Variants in ZNF470 observed in about 807,000 individuals in gnomAD.
ZNF470 encodes chondrogenesis zinc finger protein 1.
A neutral mutation model predicts 13.9 loss-of-function variants in ZNF470; 13 were observed. The ratio of observed to expected loss-of-function variants is 0.94; its 90% confidence interval spans 0.61 to 1.49. The LOEUF is 1.49. ZNF470 is among the 40% of genes most tolerant of loss of function. The pLI, the probability that ZNF470 is intolerant of heterozygous loss-of-function variation, is 0.00. For missense variants in ZNF470, 929 were observed against 857.3 expected, an observed-to-expected ratio of 1.08 and a Z score of -1.04; for synonymous variants, 293 against 282.9, an observed-to-expected ratio of 1.04 and a Z score of -0.36.
intron 3 of ZNF470, among the ~76,000 whole-genome samples, chr19:56,570,625 T>G (rs759016068): frequency 3.3e-5 from 5 of 152,198 alleles, no homozygotes; most frequent in Non-Finnish European, 7.3e-5. Context: ...GTCTGAGCCC[T>G]TCCCTTGTGC....
At chr19:56,569,836 A>G (rs1409587122) in intron 2 of ZNF470, among the ~76,000 whole-genome samples, 4 of 152,054 alleles carry the variant, frequency 2.6e-5, no homozygotes, top group Admixed American at 2.0e-4. Flanking sequence ...TCAAAAGTAA[A>G]AAAACTAGCT....
Position 56,582,138 on chromosome 19 carries a change from G to A in ZNF470, c.*3555G>A, listed in dbSNP as rs1600572890. Reference sequence around the variant, plus strand: ...TGGGGCGAATAAGACTTATATTCTAGACTGGAAAGCATCTCATGGTGTGCG... The same window carrying A: ...TGGGGCGAATAAGACTTATATTCTAAACTGGAAAGCATCTCATGGTGTGCG... On this transcript the variant is annotated 3_prime_UTR_variant, in exon 6 of 6. Coordinates refer to ENST00000330619, the MANE Select transcript of ZNF470 (RefSeq NM_001001668.4). 1 of 985,248 alleles carries A rather than the reference G, an allele frequency of 1.0e-6. No homozygotes were observed. 61.0% of individuals were successfully genotyped at this position (985,248 alleles called of 1,614,324 possible). A position where few individuals can be genotyped will look rare whatever the true frequency, so the allele number is the denominator to read the frequency against.
Position 56,580,812 on chromosome 19 carries a change from C to G in ZNF470, c.*2229C>G. On this transcript the variant is annotated 3_prime_UTR_variant, in exon 6 of 6. Coordinates refer to ENST00000330619, the MANE Select transcript of ZNF470 (RefSeq NM_001001668.4). ...CCAGAGAATGTGGAGCTTTCAGACT[C>G]TCCTTATATATGATAAAAAGGATTT... The G allele has an allele frequency of 1.0e-6, 1 of 982,690 alleles. No individual in the cohort carries two copies. Among genetic ancestry groups the G allele is most frequent in the Non-Finnish European group, 1.2e-6 (1 of 827,568 alleles). 60.9% of individuals were successfully genotyped at this position (982,690 alleles called of 1,614,324 possible).
At position 56,576,857 on chromosome 19, in the gene ZNF470, A is replaced by G. The variant is rs144650274; in HGVS notation, c.428A>G (p.Asp143Gly). ...STLGKNWKCE[D>G]LFERELVNQK... ...TTAGGGAAAAACTGGAAATGTGAAG[A>G]CTTGTTTGAGAGGGAGCTTGTAAAC... The change falls in exon 6 of 6, where the codon GAC becomes GGC. Residue 143 changes from aspartate to glycine, a missense_variant. Transcript: ENST00000330619. 1.7e-5 allele frequency: 27 copies of G among 1,595,858 alleles called. No individual in the cohort carries two copies. Among genetic ancestry groups the G allele is most frequent in the Non-Finnish European group, 2.3e-5 (27 of 1,174,468 alleles).
rs2044505882 is a variant in ZNF470 at position 56,578,068 on chromosome 19, A to G, written c.1639A>G (p.Ser547Gly). The G allele has an allele frequency of 1.2e-6, 2 of 1,614,080 alleles. No homozygotes were observed. The highest frequency in any genetic ancestry group is 2.2e-5 in the East Asian group (1 of 44,866). The change falls in exon 6 of 6, where the codon AGT (serine) becomes GGT (glycine). Residue 547 changes from serine (S) to glycine (G), a missense_variant. By Grantham distance (56) the Ser-to-Gly change is moderately conservative (BLOSUM62 0). Coordinates refer to ENST00000330619, the MANE Select transcript of ZNF470 (RefSeq NM_001001668.4). Reference sequence around the variant, plus strand: ...ATGTAAGGAATGTGGTAAGGCCTTCAGTCAGATTGCACACCTTGTTCAGCA... The same window carrying G: ...ATGTAAGGAATGTGGTAAGGCCTTCGGTCAGATTGCACACCTTGTTCAGCA... ...YECKECGKAF[S>G]QIAHLVQHQR... is the part of the protein sequence containing the mutation.
chr19:56,570,215 G>A, intron 2 of ZNF470, 65 bp from the exon 3 acceptor site: 2 of 1,204,826 alleles, frequency 1.7e-6, no homozygotes, highest in Non-Finnish European at 2.5e-6. Flanking sequence ...CTGAAGGGAA[G>A]AAAGCATTTT....
Position 56,574,538 on chromosome 19 carries a change from C to T in ZNF470, c.187+18C>T. On this transcript the variant is annotated intron_variant, in intron 4 of 5. Coordinates refer to ENST00000330619, the MANE Select transcript of ZNF470 (RefSeq NM_001001668.4). ...TTCAGTGGGTAAGAGTATCTTCCTC[C>T]TGTTGCCTCCCCATGACTCAGTAGT... The T allele has an allele frequency of 6.2e-7, 1 of 1,613,254 alleles. No homozygotes were observed. Among genetic ancestry groups the T allele is most frequent in the South Asian group, 1.1e-5 (1 of 91,010 alleles).
chr19:56,569,212 C>G (rs1245429069), intron 2 of ZNF470, among the ~76,000 whole-genome samples: 1 of 152,262 alleles, frequency 6.6e-6, no homozygotes, highest in East Asian at 1.9e-4. Context: ...ATACTTTATC[C>G]TCTTCCTTCC....
chr19:56,581,914 AACC>A lies in ZNF470; in HGVS notation c.*3335_*3337del. On this transcript the variant is annotated 3_prime_UTR_variant, in exon 6 of 6. Coordinates refer to ENST00000330619, the MANE Select transcript of ZNF470 (RefSeq NM_001001668.4). ...AGTTATTCTTTTGATTGGTCCTTGG[AACC>A]ACCCTGGTTTTTGTACTTTCCAAGT... is the stretch of plus-strand genomic sequence containing the variant. 1 of 985,386 alleles carries A rather than the reference AACC, an allele frequency of 1.0e-6. No individual in the cohort carries two copies. The allele number at this position is 985,386 out of a possible 1,614,324, so 61.0% of individuals were successfully genotyped here.
chr19:56,582,340 CA>C lies in ZNF470; in HGVS notation c.*3765del. Reference sequence around the variant, plus strand: ...AGCTCTTGAATTTCTAGCATTAAGGCAAAAAAAATTCACCTAAGGGATTTTG... The same window carrying C: ...AGCTCTTGAATTTCTAGCATTAAGGCAAAAAAATTCACCTAAGGGATTTTG... On this transcript the variant is annotated 3_prime_UTR_variant, in exon 6 of 6. Coordinates refer to ENST00000330619, the MANE Select transcript of ZNF470 (RefSeq NM_001001668.4). 2.0e-6 allele frequency: 2 copies of C among 984,026 alleles called. No homozygotes were observed. The highest frequency in any genetic ancestry group is 2.4e-6 in the Non-Finnish European group (2 of 829,412). 61.0% of individuals were successfully genotyped at this position (984,026 alleles called of 1,614,324 possible).
At chr19:56,574,198 T>G in intron 3 of ZNF470, 196 bp from the exon 4 acceptor site, 5 of 927,156 alleles carry the variant, frequency 5.4e-6, no homozygotes, top group Non-Finnish European at 8.4e-6. Context: ...ATTTTTTTCT[T>G]TTTCCTAATA....
chr19:56,573,545 A>G (rs1373918339), intron 3 of ZNF470, among the ~76,000 whole-genome samples: 1 of 152,258 alleles, frequency 6.6e-6, no homozygotes, highest in Non-Finnish European at 1.5e-5. Context: ...CCAGTGGATC[A>G]CTTTGTGGGT....
rs367976146 is a variant in ZNF470 at position 56,570,284 on chromosome 19, A to G, written c.-28A>G. The G allele has an allele frequency of 1.4e-4, 224 of 1,612,046 alleles. No individual in the cohort carries two copies. The highest frequency in any genetic ancestry group is 1.1e-3 in the African/African-American group (83 of 74,946). Reference sequence around the variant, plus strand: ...ACTACTTCTTTTTCTCCCCAGCTCTACAATCCCAGAGTAAAGCTCTTCTCC... The same window carrying G: ...ACTACTTCTTTTTCTCCCCAGCTCTGCAATCCCAGAGTAAAGCTCTTCTCC... On this transcript the variant is annotated 5_prime_UTR_variant, in exon 3 of 6. Transcript: ENST00000330619.
At chr19:56,571,648 G>C (rs1424336075) in intron 3 of ZNF470, among the ~76,000 whole-genome samples, 1 of 146,804 alleles carries the variant, frequency 6.8e-6, no homozygotes, top group Non-Finnish European at 1.5e-5. Flanking sequence ...TCACTCTGTT[G>C]CCCAGGCCAG....
Position 56,580,239 on chromosome 19 carries a change from C to A in ZNF470, c.*1656C>A. On this transcript the variant is annotated 3_prime_UTR_variant, in exon 6 of 6. Coordinates refer to ENST00000330619, the MANE Select transcript of ZNF470 (RefSeq NM_001001668.4). ...GAAAATAGTCATGATAGTCCCAAGG[C>A]AGATATTGTTTATGATGCTTTGAGT... is the stretch of plus-strand genomic sequence containing the variant. 1.2e-6 allele frequency: 1 copy of A among 827,356 alleles called. No individual in the cohort carries two copies. 51.3% of individuals were successfully genotyped at this position (827,356 alleles called of 1,614,324 possible). A position where few individuals can be genotyped will look rare whatever the true frequency, so the allele number is the denominator to read the frequency against.
intron 3 of ZNF470, 102 bp from the exon 4 acceptor site, chr19:56,574,292 T>C: frequency 6.5e-7 from 1 of 1,547,594 alleles, no homozygotes; most frequent in African/African-American, 1.4e-5. Context: ...TACTTATACA[T>C]AGTGTTTTTA....
Position 56,567,790 on chromosome 19 carries a change from A to G in ZNF470, c.-407A>G. ...GCGTGCGGAAGGCGGTGTGTGTTGG[A>G]ATGAGTGAAGCACTTTAAGTGGCCA... On this transcript the variant is annotated 5_prime_UTR_variant, in exon 1 of 6. Coordinates refer to ENST00000330619, the MANE Select transcript of ZNF470 (RefSeq NM_001001668.4). The G allele has an allele frequency of 1.0e-6, 1 of 987,382 alleles. No homozygotes were observed. The highest frequency in any genetic ancestry group is 1.2e-6 in the Non-Finnish European group (1 of 831,522). 61.2% of individuals were successfully genotyped at this position (987,382 alleles called of 1,614,324 possible).
chr19:56,569,766 C>T (rs1424829589), intron 2 of ZNF470, among the ~76,000 whole-genome samples: 1 of 151,956 alleles, frequency 6.6e-6, no homozygotes, highest in African/African-American at 2.4e-5. Context: ...GAGGTTGACA[C>T]CTCCTGGCCT....
In ZNF470 at chr19:56,567,867, C is replaced by T. The variant is rs1331434097; in HGVS notation, c.-330C>T. On this transcript the variant is annotated 5_prime_UTR_variant, in exon 1 of 6. Transcript: ENST00000330619. ...CTTACCCCGTTCTCCCCTGTATCGA[C>T]TGCGTAGAGCCCAGTGTGGGCAAAG... 2.0e-6 allele frequency: 2 copies of T among 985,274 alleles called. No individual in the cohort carries two copies. Among genetic ancestry groups the T allele is most frequent in the African/African-American group, 3.5e-5 (2 of 57,176 alleles). The allele number at this position is 985,274 out of a possible 1,614,324, so 61.0% of individuals were successfully genotyped here.
Sources: gnomAD v4.1 joint callset for allele counts (sites outside exome capture counted in the v4.1 genomes callset) on GRCh38, gnomAD v4.1.1 for gene constraint, MANE v1.5 for transcripts, NCBI Gene and HGNC (gene_info 2026-07-23, HGNC 2026-07-21) for gene names.